The following NRG2 variants were observed in gnomAD, a reference collection of about 807,000 sequenced individuals.
The protein encoded by NRG2 is pro-neuregulin-2, membrane-bound isoform.
NRG2 carries 27 observed loss-of-function variants against 73.9 expected under a neutral mutation model. That is an observed-to-expected ratio of 0.37 (90% CI 0.27 to 0.50). NRG2 has a LOEUF of 0.50. Among genes scored for constraint, NRG2 ranks in the 20% least tolerant of loss-of-function variants. NRG2 has a pLI of 0.96. For missense variants in NRG2, 1,126 were observed against 1,210.1 expected (o/e 0.93, Z 1.03); for synonymous variants, 532 against 541.0 (o/e 0.98, Z 0.23).
chr5:140,037,488 G>T (rs956948751), intron 1 of NRG2, among the ~76,000 whole-genome samples: 1 of 152,240 alleles, frequency 6.6e-6, no homozygotes, highest in African/African-American at 2.4e-5. Context: ...AGAGGACTCA[G>T]AGATCACTGG....
At chr5:139,978,628 A>G (rs1756552721) in intron 1 of NRG2, among the ~76,000 whole-genome samples, 1 of 152,254 alleles carries the variant, frequency 6.6e-6, no homozygotes, top group Non-Finnish European at 1.5e-5. Flanking sequence ...ACATGCTGCT[A>G]TAACATGCTT....
Position 139,859,926 on chromosome 5 carries a change from A to G in NRG2, c.1190-4148T>C, listed in dbSNP as rs756649905. ...ATCCAAGGTGCTCTGGCAGTGCAGA[A>G]GAGCGAGGGTCACAAAGGGAGGGGT... On this transcript the variant is annotated intron_variant, in intron 5 of 9. Transcript: ENST00000361474. 14 of 1,596,992 alleles carry G rather than the reference A, an allele frequency of 8.8e-6. No homozygotes were observed. In the African/African-American group the frequency reaches 1.7e-4, roughly 20 times the overall value.
chr5:139,927,724 G>C (rs1752165056), intron 1 of NRG2, among the ~76,000 whole-genome samples: 1 of 142,686 alleles, frequency 7.0e-6, no homozygotes, highest in Admixed American at 7.4e-5. Flanking sequence ...AGATCGCACT[G>C]TTGCACTCCA....
intron 3 of NRG2, among the ~76,000 whole-genome samples, chr5:139,878,791 C>T (rs1055738950): frequency 2.0e-5 from 3 of 152,198 alleles, no homozygotes; most frequent in African/African-American, 7.2e-5. Flanking sequence ...CCCACCTTCC[C>T]AAACTTGGGA....
chr5:139,886,697 G>C (rs1763894800), intron 2 of NRG2, among the ~76,000 whole-genome samples: 1 of 152,184 alleles, frequency 6.6e-6, no homozygotes, highest in African/African-American at 2.4e-5. Context: ...GAAGCCCCCT[G>C]CCTGACCCAG....
intron 1 of NRG2, among the ~76,000 whole-genome samples, chr5:139,912,408 C>G (rs1255915249): frequency 6.6e-6 from 1 of 152,160 alleles, no homozygotes; most frequent in Admixed American, 6.5e-5. Flanking sequence ...AACAGCCCAA[C>G]TTCCCTGGCC....
At position 139,848,503 on chromosome 5, in the gene NRG2, G is replaced by T. The variant is rs543344025; in HGVS notation, c.1967C>A (p.Pro656Gln). 2.0e-5 allele frequency: 27 copies of T among 1,371,348 alleles called. No homozygotes were observed. The African/African-American group carries it at 4.0e-4, about 20-fold the overall frequency. 84.9% of individuals were successfully genotyped at this position (1,371,348 alleles called of 1,614,324 possible). A position where few individuals can be genotyped will look rare whatever the true frequency, so the allele number is the denominator to read the frequency against. Residue 656 changes from proline (P) to glutamine (Q), a missense_variant, in exon 10 of 10, where the codon CCG becomes CAG. Transcript: ENST00000361474. Reference sequence around the variant, plus strand: ...GGGCCCGGGCCCGGGTCCGGGTCCCGGGCCGGGGGGCGCCGGGTGCCGCAG... The same window carrying T: ...GGGCCCGGGCCCGGGTCCGGGTCCCTGGCCGGGGGGCGCCGGGTGCCGCAG... ...PLLRHPAPPG[P>Q]GPGPGPGPGP...
chr5:139,950,174 CAGA>C (rs1396280072), intron 1 of NRG2, among the ~76,000 whole-genome samples: 1 of 152,318 alleles, frequency 6.6e-6, no homozygotes, highest in East Asian at 1.9e-4. Flanking sequence ...CTTCGTTCCT[CAGA>C]AGGTCAGCTA....
intron 1 of NRG2, among the ~76,000 whole-genome samples, chr5:140,006,079 G>A (rs992335509): frequency 6.6e-6 from 1 of 152,204 alleles, no homozygotes; most frequent in Non-Finnish European, 1.5e-5. Flanking sequence ...GCAAAAGAAA[G>A]CATTAACTCA....
chr5:139,871,204 C>G (rs1443243614), intron 4 of NRG2: 1 of 158,744 alleles, frequency 6.3e-6, no homozygotes, highest in Non-Finnish European at 1.4e-5. Context: ...CTGGGCAGAC[C>G]CCTCTTCTCC....
At chr5:140,014,185 A>T (rs994504938) in intron 1 of NRG2, among the ~76,000 whole-genome samples, 21 of 152,020 alleles carry the variant, frequency 1.4e-4, no homozygotes, top group Non-Finnish European at 2.6e-4. Flanking sequence ...GACTCTTCCC[A>T]TCTCAATGGC....
rs561328186 is a variant in NRG2, at chr5:139,952,903, C to T, written c.701-65392G>A. Among the ~76,000 whole-genome samples, 73 of 152,236 alleles carry T rather than the reference C, an allele frequency of 4.8e-4. 1 individual carries two copies. The highest frequency in any genetic ancestry group is 1.3e-4 in the Admixed American group (2 of 15,302). ...CTGTGAGCCTGAGCCAGATGTGCGC[C>T]GGCCAGATGGAGGGCAAGCTCCCCT... On this transcript the variant is annotated intron_variant, in intron 1 of 9. Coordinates refer to ENST00000361474, the MANE Select transcript of NRG2 (RefSeq NM_004883.3).
intron 1 of NRG2, among the ~76,000 whole-genome samples, chr5:139,989,597 G>A (rs921931785): frequency 2.6e-5 from 4 of 151,586 alleles, no homozygotes; most frequent in Admixed American, 1.3e-4. Context: ...CCCGTGGCAC[G>A]CAATAATTTT....
In NRG2 at chr5:139,870,316, T is replaced by C. The variant is rs958620144; in HGVS notation, c.1112+1405A>G. On this transcript the variant is annotated intron_variant, in intron 4 of 9. Coordinates refer to ENST00000361474, the MANE Select transcript of NRG2 (RefSeq NM_004883.3). The surrounding 1 kb of genome is among the most constrained non-coding windows in gnomAD (Gnocchi z 4.4). The stretch of plus-strand genomic sequence containing the variant: ...CCTGTTGTTGCTACTGGGACTCTCC[T>C]CTAAGGTTCAGGGAGGGGGAGAAGG... Among the ~76,000 whole-genome samples the C allele has an allele frequency of 3.3e-5, 5 of 151,922 alleles. No individual in the cohort carries two copies. Among genetic ancestry groups the C allele is most frequent in the Non-Finnish European group, 7.4e-5 (5 of 67,958 alleles).
intron 1 of NRG2, among the ~76,000 whole-genome samples, chr5:140,015,731 C>T (rs1759716220): frequency 6.6e-6 from 1 of 152,186 alleles, no homozygotes; most frequent in East Asian, 1.9e-4. Flanking sequence ...AGGGATGCCT[C>T]ACTCAGGGAG....
intron 2 of NRG2, among the ~76,000 whole-genome samples, chr5:139,882,673 A>C (rs899167423): frequency 6.6e-6 from 1 of 152,034 alleles, no homozygotes; most frequent in Non-Finnish European, 1.5e-5. Flanking sequence ...CACACACCAG[A>C]TTAGCAGGGA....
intron 2 of NRG2, among the ~76,000 whole-genome samples, chr5:139,882,903 G>C (rs1045091031): frequency 3.9e-5 from 6 of 152,164 alleles, no homozygotes; most frequent in Non-Finnish European, 4.4e-5. Flanking sequence ...TTCCTTCTGA[G>C]GAACAAGAAA....
At chr5:139,977,799 A>G (rs1207766691) in intron 1 of NRG2, among the ~76,000 whole-genome samples, 1 of 152,206 alleles carries the variant, frequency 6.6e-6, no homozygotes, top group Admixed American at 6.5e-5. Context: ...GCGTATCTAC[A>G]ACTATCTGAT....
At chr5:139,981,111 G>A (rs1343342827) in intron 1 of NRG2, among the ~76,000 whole-genome samples, 1 of 152,178 alleles carries the variant, frequency 6.6e-6, no homozygotes, top group Non-Finnish European at 1.5e-5. Flanking sequence ...CCAGAATAGA[G>A]CCAGCAGCAT....
Sources: gnomAD v4.1 joint callset for allele counts (sites outside exome capture counted in the v4.1 genomes callset) on GRCh38, gnomAD v4.1.1 for gene constraint, Gnocchi (gnomAD v3.1) non-coding constraint, MANE v1.5 for transcripts, NCBI Gene and HGNC (gene_info 2026-07-23, HGNC 2026-07-21) for gene names.